The following ITGA11 variants were observed in gnomAD, a reference collection of about 807,000 sequenced individuals.
The protein encoded by ITGA11 is integrin alpha-11.
In ITGA11, 97 loss-of-function variants were observed where a neutral mutation model predicts 141.9. The ratio of observed to expected loss-of-function variants is 0.68; its 90% confidence interval spans 0.58 to 0.81. ITGA11 has a LOEUF of 0.81. Among genes scored for constraint, ITGA11 ranks in the 30% least tolerant of loss-of-function variants. ITGA11 has a pLI of 0.00. For missense variants in ITGA11, 1,387 were observed against 1,559.2 expected (o/e 0.89, Z 1.86); for synonymous variants, 658 against 624.6 (o/e 1.05, Z -0.80).
intron 2 of ITGA11, among the ~76,000 whole-genome samples, chr15:68,393,096 G>A (rs767529987): frequency 3.3e-5 from 5 of 152,150 alleles, no homozygotes; most frequent in Non-Finnish European, 5.9e-5. Context: ...GTAATAAAGA[G>A]TATATCGAAT....
chr15:68,421,213 A>T lies in ITGA11; in HGVS notation c.52+10802T>A, dbSNP rs1169514692. On this transcript the variant is annotated intron_variant, in intron 1 of 29. Transcript: ENST00000315757. ...CTCAGGTGGGAGGGGGAGGCTGGATACAGCAGCCTGCAGGAAGTGAGAGAG... is the reference window on the plus strand; with the variant it reads ...CTCAGGTGGGAGGGGGAGGCTGGATTCAGCAGCCTGCAGGAAGTGAGAGAG... 2.2e-4 allele frequency among the ~76,000 whole-genome samples: 2 copies of T among 9,054 alleles called. 1 individual carries two copies. Among genetic ancestry groups the T allele is most frequent in the Admixed American group, 1.6e-3 (2 of 1,272 alleles). The allele number at this position is 9,054 out of a possible 152,430, so 5.9% of individuals were successfully genotyped here. A position where few individuals can be genotyped will look rare whatever the true frequency, so the allele number is the denominator to read the frequency against.
At chr15:68,368,254 G>A (rs978638676) in intron 3 of ITGA11, among the ~76,000 whole-genome samples, 3 of 152,190 alleles carry the variant, frequency 2.0e-5, no homozygotes, top group South Asian at 4.1e-4. Flanking sequence ...GAAGGAGGGA[G>A]GCCCAGGGTC....
chr15:68,310,305 G>A (rs563225183), intron 26 of ITGA11, among the ~76,000 whole-genome samples: 49 of 152,254 alleles, frequency 3.2e-4, no homozygotes, highest in African/African-American at 1.1e-3. Context: ...TGTTGCTGCC[G>A]TGCTGCCCAC....
intron 3 of ITGA11, chr15:68,365,550 GTGT>G (rs1352411322): frequency 0.04 from 106 of 2,662 alleles, 2 homozygotes; most frequent in South Asian, 0.39. Flanking sequence ...GTGTTGGGGT[GTGT>G]GTGTGTGTGT....
At chr15:68,404,010 C>T (rs1343330216) in intron 1 of ITGA11, among the ~76,000 whole-genome samples, 1 of 152,152 alleles carries the variant, frequency 6.6e-6, no homozygotes, top group African/African-American at 2.4e-5. Context: ...CAGGGAACTC[C>T]CGATTCTACC....
intron 16 of ITGA11, among the ~76,000 whole-genome samples, chr15:68,327,226 A>T (rs1894006660): frequency 6.6e-6 from 1 of 151,994 alleles, no homozygotes; most frequent in Non-Finnish European, 1.5e-5. Flanking sequence ...CACACCAAGG[A>T]GGGCTGGCCA....
In ITGA11 at chr15:68,324,647, G is replaced by A. The variant is rs1385585237; in HGVS notation, c.2322+484C>T. Among the ~76,000 whole-genome samples the A allele has an allele frequency of 6.6e-6, 1 of 152,080 alleles. No individual in the cohort carries two copies. The highest frequency in any genetic ancestry group is 1.5e-5 in the Non-Finnish European group (1 of 68,006). ...TGAGGGATGGGGCCGCTTCTTTTTG[G>A]AATGCTTAGGACCGCTGTCAGTCAG... On this transcript the variant is annotated intron_variant, in intron 18 of 29. Transcript: ENST00000315757. The surrounding 1 kb of genome is among the most constrained non-coding windows in gnomAD (Gnocchi z 6.3).
intron 2 of ITGA11, among the ~76,000 whole-genome samples, chr15:68,381,679 C>T (rs62001428): frequency 0.12 from 17,998 of 152,110 alleles, 1,413 homozygotes; most frequent in Middle Eastern, 0.24. Flanking sequence ...CCTCAGCCTC[C>T]CGAGTAGCTG....
intron 1 of ITGA11, among the ~76,000 whole-genome samples, chr15:68,406,747 T>A (rs1896659193): frequency 6.6e-6 from 1 of 152,184 alleles, no homozygotes; most frequent in African/African-American, 2.4e-5. Flanking sequence ...ACTGAACAGT[T>A]AGAGACCAGG....
rs1834507692 is a variant in ITGA11 at position 68,357,275 on chromosome 15, C to A, written c.625G>T (p.Asp209Tyr). Residue 209 changes from aspartate to tyrosine, a missense_variant, in exon 7 of 30, where the codon GAT becomes TAT. Transcript: ENST00000315757. ...IQVGVVQYGE[D>Y]VVHEFHLNDY... ...TTGAGGTGAAACTCATGCACCACAT[C>A]TTCGCCATACTGCACAACTCCAACC... is the stretch of plus-strand genomic sequence containing the variant. 9.9e-6 allele frequency: 16 copies of A among 1,613,712 alleles called. No individual in the cohort carries two copies. The highest frequency in any genetic ancestry group is 1.4e-5 in the Non-Finnish European group (16 of 1,179,800).
chr15:68,322,599 G>T lies in ITGA11; in HGVS notation c.2323-1096C>A, dbSNP rs1265897849. On this transcript the variant is annotated intron_variant, in intron 18 of 29. Coordinates refer to ENST00000315757, the MANE Select transcript of ITGA11 (RefSeq NM_001004439.2). The surrounding 1 kb of genome is among the most constrained non-coding windows in gnomAD (Gnocchi z 5.6). ...AAGCAGGGGTTGGCTGGGCGTGGTG[G>T]CTCACACCTGTAATCCTAGCACTCT... Among the ~76,000 whole-genome samples, 1 of 152,052 alleles carries T rather than the reference G, an allele frequency of 6.6e-6. No individual in the cohort carries two copies. The highest frequency in any genetic ancestry group is 2.4e-5 in the African/African-American group (1 of 41,380).
In ITGA11 at chr15:68,361,530, C is replaced by A. The variant is rs1895242923; in HGVS notation, c.472+60G>T. The stretch of plus-strand genomic sequence containing the variant: ...TAGCCACAGGTTGTTGTGCTCAGGG[C>A]CCAAGTCTCTCTGGACTGTCCACTG... On this transcript the variant is annotated intron_variant, in intron 5 of 29. Transcript: ENST00000315757. The A allele has an allele frequency of 2.6e-5, 30 of 1,134,914 alleles. No individual in the cohort carries two copies. In the South Asian group the frequency reaches 3.1e-4, roughly 12 times the overall value. The allele number at this position is 1,134,914 out of a possible 1,614,324, so 70.3% of individuals were successfully genotyped here.
intron 9 of ITGA11, among the ~76,000 whole-genome samples, chr15:68,349,965 G>A (rs890047214): frequency 1.3e-5 from 2 of 152,090 alleles, no homozygotes; most frequent in Non-Finnish European, 1.5e-5. Context: ...ACCTAAGCCT[G>A]CCACACCCAC....
intron 24 of ITGA11, 66 bp downstream of exon 24, chr15:68,312,707 C>A (rs1425021680): frequency 1.7e-6 from 2 of 1,201,894 alleles, no homozygotes; most frequent in African/African-American, 3.0e-5. Flanking sequence ...CCACATTCCT[C>A]CCCTCCAGGA....
At chr15:68,341,465 A>G (rs1894566992) in intron 10 of ITGA11, among the ~76,000 whole-genome samples, 1 of 152,248 alleles carries the variant, frequency 6.6e-6, no homozygotes, top group Non-Finnish European at 1.5e-5. Flanking sequence ...GTTGAGGTTC[A>G]GAGGGGGAAG....
At chr15:68,369,392 G>GGGGGGGATGTGGGGGGGGGGGGGGGGA in intron 2 of ITGA11, 108 bp from the exon 3 acceptor site, 1 of 187,570 alleles carries the variant, frequency 5.3e-6, no homozygotes, top group Admixed American at 6.7e-5. Context: ...GGGAGGGTGG[G>GGGGGGGATGTGGGGGGGGGGGGGGGGA]AGGGAACCCT....
intron 2 of ITGA11, among the ~76,000 whole-genome samples, chr15:68,400,893 T>A (rs1363892822): frequency 1.1e-5 from 1 of 88,098 alleles, no homozygotes; most frequent in Non-Finnish European, 2.0e-5. Context: ...ATAAATATTA[T>A]AATATTATAT....
chr15:68,365,131 G>A, intron 3 of ITGA11: 1 of 985,164 alleles, frequency 1.0e-6, no homozygotes, highest in Non-Finnish European at 1.2e-6. Flanking sequence ...CCCCAAGCAT[G>A]CCATGGCATC....
intron 11 of ITGA11, among the ~76,000 whole-genome samples, chr15:68,337,395 G>A (rs188512104): frequency 6.6e-6 from 1 of 152,302 alleles, no homozygotes; most frequent in Non-Finnish European, 1.5e-5. Context: ...GAGGCTGGGA[G>A]CTGGCCTCCT....
Sources: allele counts gnomAD v4.1 joint callset (sites outside exome capture counted in the v4.1 genomes callset), GRCh38; gene constraint gnomAD v4.1.1; non-coding constraint Gnocchi (gnomAD v3.1); transcripts MANE v1.5; gene names NCBI Gene and HGNC (gene_info 2026-07-23, HGNC 2026-07-21).